RFC4: variants seen among roughly 807,000 people sequenced by gnomAD.
The protein encoded by RFC4 is replication factor C subunit 4.
RFC4 carries 38 observed loss-of-function variants against 47.6 expected under a neutral mutation model. That is an observed-to-expected ratio of 0.80 (90% CI 0.62 to 1.05). The LOEUF (loss-of-function observed/expected upper bound fraction) is 1.05, where lower values mean the gene tolerates loss of function less well. Among genes scored for constraint, RFC4 ranks in the 50% least tolerant of loss-of-function variants. The pLI is 0.00. For missense variants in RFC4, 489 were observed against 434.0 expected, an observed-to-expected ratio of 1.13 and a Z score of -1.13; for synonymous variants, 164 against 150.0, an observed-to-expected ratio of 1.09 and a Z score of -0.68.
At chr3:186,803,930 C>T (rs935119193) in intron 2 of RFC4, among the ~76,000 whole-genome samples, 1 of 152,008 alleles carries the variant, frequency 6.6e-6, no homozygotes, top group African/African-American at 2.4e-5. Context: ...GCATGTAATC[C>T]CAGCACTTTG....
chr3:186,793,028 T>A lies in RFC4; in HGVS notation c.411-81A>T. The A allele has an allele frequency of 8.8e-7, 1 of 1,131,712 alleles. No homozygotes were observed. Among genetic ancestry groups the A allele is most frequent in the Non-Finnish European group, 1.3e-6 (1 of 797,504 alleles). The allele number at this position is 1,131,712 out of a possible 1,614,324, so 70.1% of individuals were successfully genotyped here. A position where few individuals can be genotyped will look rare whatever the true frequency, so the allele number is the denominator to read the frequency against. Reference sequence around the variant, plus strand: ...GCTTTGTTGAAAGATACACGTACCATACAATTCACCCATTTAAAATGTACA... The same window carrying A: ...GCTTTGTTGAAAGATACACGTACCAAACAATTCACCCATTTAAAATGTACA... On this transcript the variant is annotated intron_variant, in intron 5 of 10. Coordinates refer to ENST00000296273, the MANE Select transcript of RFC4 (RefSeq NM_002916.5). This position sits in a 1 kb window ranked among gnomAD's most constrained non-coding sequence, Gnocchi z 4.2.
chr3:186,791,349 C>T (rs927304177), intron 8 of RFC4: 2 of 258,900 alleles, frequency 7.7e-6, no homozygotes, highest in Non-Finnish European at 1.5e-5. Flanking sequence ...ATTAGCTGGG[C>T]ATGGTGGCAG....
At chr3:186,790,464 C>T in intron 8 of RFC4, 58 bp from the exon 9 acceptor site, 2 of 1,214,954 alleles carry the variant, frequency 1.6e-6, no homozygotes, top group Admixed American at 1.7e-5. Flanking sequence ...GACATACACT[C>T]TGCCAACTGG....
chr3:186,794,498 T>C (rs931267672), intron 5 of RFC4, among the ~76,000 whole-genome samples, 160 bp downstream of exon 5: 5 of 152,208 alleles, frequency 3.3e-5, no homozygotes, highest in African/African-American at 1.2e-4. Flanking sequence ...AAGTAGTTGA[T>C]TAAATCCCTG....
chr3:186,790,473 G>C (rs530088827), intron 8 of RFC4, 67 bp from the exon 9 acceptor site: 1 of 1,109,656 alleles, frequency 9.0e-7, no homozygotes, highest in East Asian at 2.4e-5. Flanking sequence ...TCTGCCAACT[G>C]GCCCCCGTGC....
chr3:186,804,858 C>T, intron 1 of RFC4, 134 bp from the exon 2 acceptor site: 1 of 771,542 alleles, frequency 1.3e-6, no homozygotes, highest in Non-Finnish European at 2.1e-6. Context: ...TAGCCTTGTG[C>T]AAAGATGTTA....
rs1482572990 is a variant in RFC4, at chr3:186,789,950, C to G, written c.*19G>C. On this transcript the variant is annotated 3_prime_UTR_variant, in exon 11 of 11. Transcript: ENST00000296273. ...ACAACTTCATTATTTACAAAACCCCCCATCCAGATATATTCACGTTAACAA... is the reference window on the plus strand; with the variant it reads ...ACAACTTCATTATTTACAAAACCCCGCATCCAGATATATTCACGTTAACAA... The G allele has an allele frequency of 1.4e-6, 2 of 1,449,568 alleles. No individual in the cohort carries two copies. The highest frequency in any genetic ancestry group is 1.4e-5 in the African/African-American group (1 of 71,680). 89.8% of individuals were successfully genotyped at this position (1,449,568 alleles called of 1,614,324 possible). A position where few individuals can be genotyped will look rare whatever the true frequency, so the allele number is the denominator to read the frequency against.
chr3:186,792,938 C>A lies in RFC4; in HGVS notation c.420G>T (p.Pro140=). 6.2e-7 allele frequency: 1 copy of A among 1,612,076 alleles called. No homozygotes were observed. Among genetic ancestry groups the A allele is most frequent in the Non-Finnish European group, 8.5e-7 (1 of 1,179,384 alleles). Reference sequence around the variant, plus strand: ...GAATCACAATCTTAAAAGGCGGACACGGCTTCCCACTGATTCAGAGAAACA... The same window carrying A: ...GAATCACAATCTTAAAAGGCGGACAAGGCTTCCCACTGATTCAGAGAAACA... ...TVSGSRSDGK[P]CPPFKIVILD... The change falls in exon 6 of 11, where the codon CCG becomes CCT. Residue 140 remains proline (P), a synonymous_variant. Coordinates refer to ENST00000296273, the MANE Select transcript of RFC4 (RefSeq NM_002916.5).
intron 8 of RFC4, 37 bp from the exon 9 acceptor site, chr3:186,790,443 AGGTGAGACTAGAC>A (rs1722076610): frequency 7.0e-7 from 1 of 1,437,204 alleles, no homozygotes; most frequent in African/African-American, 1.4e-5. Context: ...AGATGTTTCT[AGGTGAGACTAGAC>A]ATACACTCTG....
rs3082241 is a variant in RFC4 at position 186,796,026 on chromosome 3, TACAC to T, written c.291-1253_291-1250del. 0.23 allele frequency among the ~76,000 whole-genome samples: 33,583 copies of T among 149,134 alleles called. 4,322 individuals are homozygous for T. Among genetic ancestry groups the T allele is most frequent in the East Asian group, 0.4 (2,040 of 5,082 alleles). On this transcript the variant is annotated intron_variant, in intron 4 of 10. Transcript: ENST00000296273. This position sits in a 1 kb window ranked among gnomAD's most constrained non-coding sequence, Gnocchi z 4.2. Reference sequence around the variant, plus strand: ...TTTTTGAAACTTCCCTCTAGTCTTTTACACACACACACACACACACACACACACA... The same window carrying T: ...TTTTTGAAACTTCCCTCTAGTCTTTTACACACACACACACACACACACACA...
At chr3:186,804,812 G>T in intron 1 of RFC4, 88 bp from the exon 2 acceptor site, 1 of 1,265,862 alleles carries the variant, frequency 7.9e-7, no homozygotes, top group Non-Finnish European at 1.1e-6. Context: ...TGGTGGTGGG[G>T]AACCATTATG....
At position 186,804,776 on chromosome 3, in the gene RFC4, G is replaced by A. The variant is rs1033539841; in HGVS notation, c.-11-52C>T. On this transcript the variant is annotated intron_variant, in intron 1 of 10. Coordinates refer to ENST00000296273, the MANE Select transcript of RFC4 (RefSeq NM_002916.5). ...AAGCTTTTATTGAAACTTTTATTGCGAATCAGCACCATAGGAAAGCGGGGG... is the reference window on the plus strand; with the variant it reads ...AAGCTTTTATTGAAACTTTTATTGCAAATCAGCACCATAGGAAAGCGGGGG... The A allele has an allele frequency of 2.2e-5, 34 of 1,555,674 alleles. No homozygotes were observed. In the African/African-American group the frequency reaches 3.2e-4, roughly 14 times the overall value.
In RFC4 at chr3:186,790,090, C is replaced by T. The variant is rs758637442; in HGVS notation, c.997-26G>A. On this transcript the variant is annotated intron_variant, in intron 10 of 10. Coordinates refer to ENST00000296273, the MANE Select transcript of RFC4 (RefSeq NM_002916.5). ...CTACGAGAAAAATTTAAGAAATTAG[C>T]ATCCTTCAGGTAGTTAAATGTTCCA... 5.6e-6 allele frequency: 9 copies of T among 1,606,392 alleles called. No individual in the cohort carries two copies. In the African/African-American group the frequency reaches 6.7e-5, roughly 12 times the overall value.
At chr3:186,798,987 T>C (rs1385754114) in intron 3 of RFC4, among the ~76,000 whole-genome samples, 1 of 152,232 alleles carries the variant, frequency 6.6e-6, no homozygotes, top group Non-Finnish European at 1.5e-5. Context: ...TAGAAGACTA[T>C]TACTGTTACA....
Position 186,796,119 on chromosome 3 carries a change from C to T in RFC4, c.291-1342G>A, listed in dbSNP as rs1227282249. 6.6e-6 allele frequency among the ~76,000 whole-genome samples: 1 copy of T among 151,974 alleles called. No homozygotes were observed. The highest frequency in any genetic ancestry group is 1.5e-5 in the Non-Finnish European group (1 of 67,994). On this transcript the variant is annotated intron_variant, in intron 4 of 10. Coordinates refer to ENST00000296273, the MANE Select transcript of RFC4 (RefSeq NM_002916.5). This position sits in a 1 kb window ranked among gnomAD's most constrained non-coding sequence, Gnocchi z 4.2. ...CTATTTTTCCTAATCAGCATGGTAT[C>T]CTAAGCATGTTTATGGACATAAACA...
At chr3:186,791,537 G>T in intron 8 of RFC4, 188 bp downstream of exon 8, 1 of 613,410 alleles carries the variant, frequency 1.6e-6, no homozygotes, top group Non-Finnish European at 3.0e-6. Context: ...TCTGTTACAT[G>T]CCTGACAAAC....
chr3:186,789,945 A>C lies in RFC4; in HGVS notation c.*24T>G, dbSNP rs1560088512. The stretch of plus-strand genomic sequence containing the variant: ...TTATTACAACTTCATTATTTACAAA[A>C]CCCCCCATCCAGATATATTCACGTT... On this transcript the variant is annotated 3_prime_UTR_variant, in exon 11 of 11. Coordinates refer to ENST00000296273, the MANE Select transcript of RFC4 (RefSeq NM_002916.5). 4 of 1,400,314 alleles carry C rather than the reference A, an allele frequency of 2.9e-6. No homozygotes were observed. Among genetic ancestry groups the C allele is most frequent in the African/African-American group, 1.4e-5 (1 of 70,248 alleles). 86.7% of individuals were successfully genotyped at this position (1,400,314 alleles called of 1,614,324 possible).
At chr3:186,806,249 G>C (rs1263704276) in intron 1 of RFC4, 41 bp downstream of exon 1, 1 of 152,304 alleles carries the variant, frequency 6.6e-6, no homozygotes, top group Non-Finnish European at 1.5e-5. Flanking sequence ...GGGCAGGAGT[G>C]GGGAAGGCGA....
intron 4 of RFC4, 64 bp downstream of exon 4, chr3:186,797,471 G>T: frequency 1.9e-6 from 2 of 1,050,982 alleles, no homozygotes; most frequent in Non-Finnish European, 2.9e-6. Context: ...AGGAAAAAAA[G>T]CAATATCAGA....
Sources: allele counts gnomAD v4.1 joint callset (sites outside exome capture counted in the v4.1 genomes callset), GRCh38; gene constraint gnomAD v4.1.1; non-coding constraint Gnocchi (gnomAD v3.1); transcripts MANE v1.5; gene names NCBI Gene and HGNC (gene_info 2026-07-23, HGNC 2026-07-21).